Variants in HMGXB3 observed in about 807,000 individuals in gnomAD.
HMGXB3 encodes HMG domain-containing protein 3.
HMGXB3 carries 45 observed loss-of-function variants against 121.5 expected under a neutral mutation model. The observed-to-expected ratio is 0.37, with a 90% CI of 0.29 to 0.47. The LOEUF is 0.47. HMGXB3 is among the 20% of genes least tolerant of loss of function. The pLI is 0.99. For synonymous variants in HMGXB3, 590 were observed against 624.1 expected (o/e 0.95, Z 0.81); for missense variants, 1,376 against 1,602.2 (o/e 0.86, Z 2.41).
chr5:150,029,474 G>A (rs904012909), intron 9 of HMGXB3, among the ~76,000 whole-genome samples: 1 of 151,904 alleles, frequency 6.6e-6, no homozygotes, highest in Non-Finnish European at 1.5e-5. Context: ...TCCTAAGTTA[G>A]CATTTTTCAA....
intron 5 of HMGXB3, among the ~76,000 whole-genome samples, chr5:150,016,611 T>C (rs879078108): frequency 1.3e-5 from 2 of 152,226 alleles, no homozygotes; most frequent in African/African-American, 4.8e-5. Context: ...TTTCCATCCT[T>C]TTAACTAATT....
chr5:150,033,384 G>A (rs754756102), intron 11 of HMGXB3, among the ~76,000 whole-genome samples: 1 of 152,172 alleles, frequency 6.6e-6, no homozygotes, highest in African/African-American at 2.4e-5. Flanking sequence ...ACCTTGAAAG[G>A]CAGGCAGGTT....
Position 150,048,606 on chromosome 5 carries a change from C to A in HMGXB3, c.3122C>A (p.Ser1041Tyr), listed in dbSNP as rs199761680. 7.7e-6 allele frequency: 12 copies of A among 1,551,934 alleles called. No homozygotes were observed. The Middle Eastern group carries it at 6.6e-4, about 86-fold the overall frequency. Residue 1041 changes from serine (S) to tyrosine (Y), a missense_variant, in exon 18 of 20, where the codon TCT becomes TAT. Physicochemically the swap from Ser to Tyr is moderately radical, Grantham distance 144. Around this residue, in one of 2 missense-constraint regions of HMGXB3, gnomAD observed 1,116 missense variants for 1,369.0 expected, o/e 0.82. Coordinates refer to ENST00000502717, the MANE Select transcript of HMGXB3 (RefSeq NM_014983.3). ...LCFSLLALYE[S>Y]VQNGARAIRP... ...TTCTCCTTGTTGGCCCTCTACGAAT[C>A]TGTACAGAATGGAGCTAGAGCTATA... is the stretch of plus-strand genomic sequence containing the variant.
intron 18 of HMGXB3, among the ~76,000 whole-genome samples, chr5:150,049,959 G>A (rs1756851697): frequency 6.6e-6 from 1 of 152,250 alleles, no homozygotes; most frequent in African/African-American, 2.4e-5. Flanking sequence ...ATAGTGAACT[G>A]GTAGGTGATG....
rs1203014409 is a variant in HMGXB3 at position 150,045,656 on chromosome 5, A to G, written c.2921A>G (p.Asp974Gly). 1 of 1,551,618 alleles carries G rather than the reference A, an allele frequency of 6.4e-7. No individual in the cohort carries two copies. The highest frequency in any genetic ancestry group is 1.4e-5 in the African/African-American group (1 of 73,026). The change falls in exon 16 of 20, where the codon GAC becomes GGC. Residue 974 changes from aspartate to glycine, a missense_variant. By Grantham distance (94) the Asp-to-Gly change is moderately conservative. Around this residue, in one of 2 missense-constraint regions of HMGXB3, gnomAD observed 1,116 missense variants for 1,369.0 expected, o/e 0.82. Transcript: ENST00000502717. ...GCTGTGGTCGTCAACACTGAGAAAG[A>G]CAAAAACCTGGATGTGCAGCCAGTA... ...RGAVVVNTEKDKNLDVQPVPG... is the reference protein window; with the variant it reads ...RGAVVVNTEKGKNLDVQPVPG...
intron 5 of HMGXB3, among the ~76,000 whole-genome samples, chr5:150,017,695 C>T (rs1183196928): frequency 6.6e-6 from 1 of 152,194 alleles, no homozygotes; most frequent in African/African-American, 2.4e-5. Flanking sequence ...CCCAAGGAAG[C>T]TTTTTGCGTT....
At chr5:150,040,500 C>G (rs1756604284) in intron 13 of HMGXB3, among the ~76,000 whole-genome samples, 1 of 151,326 alleles carries the variant, frequency 6.6e-6, no homozygotes. Context: ...ACAGGTCTCC[C>G]AAAGTGCTGA....
chr5:150,044,015 G>T (rs1258777933), intron 15 of HMGXB3, among the ~76,000 whole-genome samples: 1 of 152,164 alleles, frequency 6.6e-6, no homozygotes, highest in Non-Finnish European at 1.5e-5. Flanking sequence ...TCCTAGTCCT[G>T]CCTGGCACCC....
intron 11 of HMGXB3, among the ~76,000 whole-genome samples, chr5:150,034,093 T>C (rs1756446592): frequency 6.6e-6 from 1 of 152,070 alleles, no homozygotes; most frequent in South Asian, 2.1e-4. Flanking sequence ...GATAATTGAG[T>C]TTTAAGGAGT....
In HMGXB3 at chr5:150,052,341, A is replaced by G; in HGVS notation, c.*149A>G. 1 of 657,596 alleles carries G rather than the reference A, an allele frequency of 1.5e-6. No individual in the cohort carries two copies. Among genetic ancestry groups the G allele is most frequent in the Admixed American group, 2.9e-5 (1 of 34,422 alleles). 40.7% of individuals were successfully genotyped at this position (657,596 alleles called of 1,614,324 possible). On this transcript the variant is annotated 3_prime_UTR_variant, in exon 20 of 20. Transcript: ENST00000502717. ...CTGACCAAAGAGCTTCCATTCCCTG[A>G]GCATGGTGGGACCCAGGGTCCTCAG... is the stretch of plus-strand genomic sequence containing the variant.
chr5:150,013,322 G>A (rs1417809700), intron 5 of HMGXB3, among the ~76,000 whole-genome samples: 1 of 152,060 alleles, frequency 6.6e-6, no homozygotes, highest in Non-Finnish European at 1.5e-5. Flanking sequence ...TGCTTTTTCT[G>A]TGTCTATTGA....
At chr5:150,025,553 T>C (rs1756209042) in intron 7 of HMGXB3, among the ~76,000 whole-genome samples, 1 of 152,110 alleles carries the variant, frequency 6.6e-6, no homozygotes, top group South Asian at 2.1e-4. Flanking sequence ...TTCTACATCT[T>C]GTTTTTTATT....
At chr5:150,024,211 G>T in intron 6 of HMGXB3, 51 bp from the exon 7 acceptor site, 1 of 1,350,304 alleles carries the variant, frequency 7.4e-7, no homozygotes, top group South Asian at 1.5e-5. Flanking sequence ...GTTTGTGAAT[G>T]TCATCAACTG....
Position 150,048,579 on chromosome 5 carries a change from G to A in HMGXB3, c.3095G>A (p.Cys1032Tyr), listed in dbSNP as rs537394584. 5.8e-6 allele frequency: 9 copies of A among 1,551,504 alleles called. No individual in the cohort carries two copies. The Admixed American group carries it at 1.2e-4, about 20-fold the overall frequency. ...GTCCTTCTACTCCAGGACCAGCTCTGCTTCTCCTTGTTGGCCCTCTACGAA... is the reference window on the plus strand; with the variant it reads ...GTCCTTCTACTCCAGGACCAGCTCTACTTCTCCTTGTTGGCCCTCTACGAA... ...FGAEDSKDQL[C>Y]FSLLALYESV... Residue 1032 changes from cysteine to tyrosine, a missense_variant, in exon 18 of 20, where the codon TGC (cysteine) becomes TAC (tyrosine). Cys to Tyr is a radical substitution (Grantham distance 194). Coordinates refer to ENST00000502717, the MANE Select transcript of HMGXB3 (RefSeq NM_014983.3).
In HMGXB3 at chr5:150,052,206, A is replaced by G. The variant is rs117814799; in HGVS notation, c.*14A>G. On this transcript the variant is annotated 3_prime_UTR_variant, in exon 20 of 20. Coordinates refer to ENST00000502717, the MANE Select transcript of HMGXB3 (RefSeq NM_014983.3). ...GTGGCAGAATAAGCCAGGCTGTTGT[A>G]CAGGGACTACACCATCTCTCAAGCC... 1,038 of 1,516,358 alleles carry G rather than the reference A, an allele frequency of 6.8e-4. 10 individuals are homozygous for G. The East Asian group carries it at 0.019, about 28-fold the overall frequency. 93.9% of individuals were successfully genotyped at this position (1,516,358 alleles called of 1,614,324 possible). A position where few individuals can be genotyped will look rare whatever the true frequency, so the allele number is the denominator to read the frequency against.
At chr5:150,004,387 A>C (rs1184545505) in intron 1 of HMGXB3, among the ~76,000 whole-genome samples, 1 of 152,208 alleles carries the variant, frequency 6.6e-6, no homozygotes, top group Non-Finnish European at 1.5e-5. Flanking sequence ...TGAATCAATG[A>C]AGGGATTTGC....
chr5:150,029,091 C>T (rs1441378788), intron 9 of HMGXB3, among the ~76,000 whole-genome samples: 1 of 152,016 alleles, frequency 6.6e-6, no homozygotes, highest in East Asian at 1.9e-4. Flanking sequence ...ATCCTGCCAC[C>T]CAGAATGACC....
At chr5:150,030,465 G>A (rs1194013009) in intron 9 of HMGXB3, 1 of 337,952 alleles carries the variant, frequency 3.0e-6, no homozygotes, top group East Asian at 5.5e-5. Context: ...GCTATTATGT[G>A]CTTTTATAAC....
chr5:150,005,598 C>CAAG (rs1755680642), intron 2 of HMGXB3, among the ~76,000 whole-genome samples: 1 of 82,044 alleles, frequency 1.2e-5, no homozygotes, highest in Admixed American at 1.2e-4. Flanking sequence ...AAACTCCTCT[C>CAAG]AAAAAAAAAA....
Sources: allele counts gnomAD v4.1 joint callset (sites outside exome capture counted in the v4.1 genomes callset), GRCh38; gene constraint gnomAD v4.1.1; regional missense constraint gnomAD v4.1.1; transcripts MANE v1.5; gene names NCBI Gene and HGNC (gene_info 2026-07-23, HGNC 2026-07-21).